Variants in SOAT2 observed in about 807,000 individuals in gnomAD.
SOAT2 encodes sterol O-acyltransferase 2.
SOAT2 carries 87 observed loss-of-function variants against 76.0 expected under a neutral mutation model. The observed-to-expected ratio is 1.14, with a 90% CI of 0.96 to 1.37. The LOEUF (loss-of-function observed/expected upper bound fraction) is 1.37, where lower values mean the gene tolerates loss of function less well. Among genes scored for constraint, SOAT2 ranks in the 40% most tolerant of loss-of-function variants. SOAT2 has a pLI of 0.00. For synonymous variants in SOAT2, 285 were observed against 275.4 expected, an observed-to-expected ratio of 1.03 and a Z score of -0.34; for missense variants, 686 against 682.1, an observed-to-expected ratio of 1.01 and a Z score of -0.06.
At position 53,105,221 on chromosome 12, in the gene SOAT2, C is replaced by A. The variant is rs772819555; in HGVS notation, c.253C>A (p.Pro85Thr). The A allele has an allele frequency of 1.2e-6, 2 of 1,603,732 alleles. No individual in the cohort carries two copies. Among genetic ancestry groups the A allele is most frequent in the African/African-American group, 2.7e-5 (2 of 74,618 alleles). Residue 85 changes from proline to threonine, a missense_variant, in exon 3 of 15, where the codon CCT (proline) becomes ACT (threonine). Pro to Thr is a conservative substitution (Grantham distance 38). Transcript: ENST00000301466. ...ATCACAAGACAAACCTCTGCCCCCA[C>A]CTCCCCCAGGTTCCTTGAGCAGGTG... ...YPSQDKPLPP[P>T]PPGSLSRTQE...
chr12:53,111,112 A>ATTTTTTTTTT (rs1015051525), intron 5 of SOAT2, among the ~76,000 whole-genome samples: 8 of 143,322 alleles, frequency 5.6e-5, no homozygotes, highest in African/African-American at 2.1e-4. Flanking sequence ...ATTTGCCTAC[A>ATTTTTTTTTT]TTTTTTTTTT....
intron 10 of SOAT2, 89 bp downstream of exon 10, chr12:53,119,342 A>C: frequency 7.1e-7 from 1 of 1,409,978 alleles, no homozygotes; most frequent in Non-Finnish European, 9.7e-7. Context: ...CTCAGTTTCA[A>C]CACGTTCTCC....
At chr12:53,121,520 G>A (rs1018464596) in intron 12 of SOAT2, 119 bp downstream of exon 12, 15 of 766,744 alleles carry the variant, frequency 2.0e-5, no homozygotes, top group South Asian at 5.0e-5. Context: ...CCTAAGGGCC[G>A]TTTTGATTTC....
At chr12:53,120,464 C>CAAA (rs1422043168) in intron 10 of SOAT2, among the ~76,000 whole-genome samples, 5 of 151,318 alleles carry the variant, frequency 3.3e-5, no homozygotes, top group Non-Finnish European at 7.4e-5. Context: ...GACTCCGTCT[C>CAAA]AAAAAAATAA....
intron 5 of SOAT2, among the ~76,000 whole-genome samples, chr12:53,112,743 T>C (rs1338261267): frequency 6.6e-6 from 1 of 151,480 alleles, no homozygotes; most frequent in African/African-American, 2.4e-5. Context: ...TCAGCAGGAA[T>C]GGACCCAATA....
Position 53,116,028 on chromosome 12 carries a change from GCA to G in SOAT2, c.709-66_709-65del. On this transcript the variant is annotated intron_variant, in intron 6 of 14. Transcript: ENST00000301466. ...GCCTGCCTCTCAGAGGTAACCCAGA[GCA>G]CAGAGAGGTTAAGCGATTTGCTTAA... 3.0e-6 allele frequency: 4 copies of G among 1,342,900 alleles called. 1 individual carries two copies. In the South Asian group the frequency reaches 4.7e-5, roughly 16 times the overall value. 83.2% of individuals were successfully genotyped at this position (1,342,900 alleles called of 1,614,324 possible).
Position 53,118,944 on chromosome 12 carries a change from A to T in SOAT2, c.909+9A>T. 6.2e-7 allele frequency: 1 copy of T among 1,614,008 alleles called. No homozygotes were observed. The highest frequency in any genetic ancestry group is 8.5e-7 in the Non-Finnish European group (1 of 1,179,956). On this transcript the variant is annotated intron_variant, in intron 9 of 14. Coordinates refer to ENST00000301466, the MANE Select transcript of SOAT2 (RefSeq NM_003578.4). ...CCAAGAACTTTGCCCAGGTGAGAAG[A>T]TAGGGTAGAAGGGTGGACCTGTGAC...
At chr12:53,103,957 G>A (rs1009045174) in intron 1 of SOAT2, among the ~76,000 whole-genome samples, 194 bp from the exon 2 acceptor site, 1 of 152,160 alleles carries the variant, frequency 6.6e-6, no homozygotes, top group African/African-American at 2.4e-5. Context: ...CAGGCCCCCT[G>A]CTTGCCTATG....
chr12:53,105,424 C>T (rs1243842373), intron 3 of SOAT2, 137 bp from the exon 4 acceptor site: 2 of 1,188,592 alleles, frequency 1.7e-6, no homozygotes, highest in Non-Finnish European at 2.4e-6. Context: ...CCCTGACCTT[C>T]TACCCGGTCC....
intron 5 of SOAT2, among the ~76,000 whole-genome samples, chr12:53,112,271 G>A (rs781330597): frequency 6.6e-6 from 1 of 152,220 alleles, no homozygotes; most frequent in African/African-American, 2.4e-5. Context: ...TCCTGGCCGG[G>A]TGTGGTGGCT....
chr12:53,118,244 C>CCCCCCCCTT, intron 7 of SOAT2, 106 bp from the exon 8 acceptor site: 20 of 522,866 alleles, frequency 3.8e-5, no homozygotes, highest in South Asian at 1.6e-4. Context: ...CACCCCCACC[C>CCCCCCCCTT]TATCCATTTC....
In SOAT2 at chr12:53,115,478, C is replaced by T. The variant is rs1428981076; in HGVS notation, c.532C>T (p.Leu178=). ...VTWVPMFLST[L]LAPYQALRLW... Reference sequence around the variant, plus strand: ...CTGGGTGCCCATGTTTCTGTCCACCCTGTTGGCGCCGTACCAGGCCCTACG... The same window carrying T: ...CTGGGTGCCCATGTTTCTGTCCACCTTGTTGGCGCCGTACCAGGCCCTACG... Residue 178 remains leucine, a synonymous_variant, in exon 6 of 15, where the codon CTG becomes TTG. Transcript: ENST00000301466. 5.0e-6 allele frequency: 8 copies of T among 1,611,864 alleles called. No homozygotes were observed. The South Asian group carries it at 8.8e-5, about 18-fold the overall frequency.
Position 53,121,390 on chromosome 12 carries a change from G to A in SOAT2, c.1225G>A (p.Asp409Asn). The A allele has an allele frequency of 6.2e-7, 1 of 1,614,008 alleles. No individual in the cohort carries two copies. The highest frequency in any genetic ancestry group is 8.5e-7 in the Non-Finnish European group (1 of 1,179,898). ...HDWLYSYVYQ[D>N]GLRLLGARAR... is the part of the protein sequence containing the mutation. ...CTGGCTGTACAGCTACGTGTATCAGGATGGGCTGCGGGTATGGGCCCTGCA... is the reference window on the plus strand; with the variant it reads ...CTGGCTGTACAGCTACGTGTATCAGAATGGGCTGCGGGTATGGGCCCTGCA... The change falls in exon 12 of 15, where the codon GAT becomes AAT. Residue 409 changes from aspartate (D) to asparagine (N), a missense_variant. Transcript: ENST00000301466.
At chr12:53,107,203 G>A (rs1387800208) in intron 5 of SOAT2, among the ~76,000 whole-genome samples, 1 of 152,184 alleles carries the variant, frequency 6.6e-6, no homozygotes, top group Non-Finnish European at 1.5e-5. Flanking sequence ...GGGAGATGGG[G>A]AGTCGTAATC....
At chr12:53,123,306 C>A in intron 13 of SOAT2, 90 bp downstream of exon 13, 1 of 1,524,020 alleles carries the variant, frequency 6.6e-7, no homozygotes, top group Non-Finnish European at 9.0e-7. Context: ...GGTGGGAGGC[C>A]TCGCCCCCAG....
chr12:53,108,985 T>A (rs1015275457), intron 5 of SOAT2, among the ~76,000 whole-genome samples: 1 of 152,212 alleles, frequency 6.6e-6, no homozygotes, highest in African/African-American at 2.4e-5. Flanking sequence ...ATGCCTGTAA[T>A]CCCAGCACTT....
intron 5 of SOAT2, among the ~76,000 whole-genome samples, chr12:53,107,622 CTTTTT>C (rs1303838303): frequency 8.5e-6 from 1 of 117,024 alleles, no homozygotes. Context: ...AACAGATGTA[CTTTTT>C]TTTTTTTTTT....
intron 5 of SOAT2, among the ~76,000 whole-genome samples, chr12:53,107,368 T>C (rs961474776): frequency 5.9e-5 from 9 of 152,124 alleles, no homozygotes; most frequent in African/African-American, 2.2e-4. Flanking sequence ...ACAGTACATA[T>C]AAATAGGCTA....
intron 5 of SOAT2, among the ~76,000 whole-genome samples, chr12:53,114,260 A>G (rs1404784005): frequency 3.9e-5 from 6 of 152,188 alleles, no homozygotes; most frequent in Non-Finnish European, 7.3e-5. Context: ...TGTTAGTTAT[A>G]CAAGTATTAA....
Sources: gnomAD v4.1 joint callset for allele counts (sites outside exome capture counted in the v4.1 genomes callset) on GRCh38, gnomAD v4.1.1 for gene constraint, MANE v1.5 for transcripts, NCBI Gene and HGNC (gene_info 2026-07-23, HGNC 2026-07-21) for gene names.